The following BPIFC variants were observed in gnomAD, a reference collection of about 807,000 sequenced individuals.
The protein encoded by BPIFC is BPI fold-containing family C protein.
A neutral mutation model predicts 57.6 loss-of-function variants in BPIFC; 60 were observed. The observed-to-expected ratio is 1.04, with a 90% CI of 0.85 to 1.29. The LOEUF is 1.29. BPIFC is among the 50% of genes most tolerant of loss of function. The pLI, the probability that BPIFC is intolerant of heterozygous loss-of-function variation, is 0.00. For synonymous variants in BPIFC, 243 were observed against 224.5 expected, an observed-to-expected ratio of 1.08 and a Z score of -0.74; for missense variants, 581 against 600.5, an observed-to-expected ratio of 0.97 and a Z score of 0.34.
chr22:32,449,977 A>G (rs1353437589), intron 4 of BPIFC, among the ~76,000 whole-genome samples: 1 of 151,178 alleles, frequency 6.6e-6, no homozygotes, highest in Non-Finnish European at 1.5e-5. Context: ...CTTCTGATCC[A>G]CCCACCTTGG....
rs765114019 is a variant in BPIFC, at chr22:32,445,912, A to T, written c.459T>A (p.His153Gln). The change falls in exon 6 of 17, where the codon CAT becomes CAA. Residue 153 changes from histidine to glutamine, a missense_variant. Physicochemically the swap from His to Gln is conservative, Grantham distance 24. Transcript: ENST00000300399. ...IIILTRNDFG[H>Q]PTLKLQDCYA... The stretch of plus-strand genomic sequence containing the variant: ...AGCAATCTTGGAGCTTCAGGGTAGG[A>T]TGACCAAAGTCATTTCGGGTTAGGA... 1 of 1,614,058 alleles carries T rather than the reference A, an allele frequency of 6.2e-7. No homozygotes were observed.
intron 8 of BPIFC, among the ~76,000 whole-genome samples, chr22:32,440,760 T>C (rs1934543143): frequency 6.6e-6 from 1 of 152,200 alleles, no homozygotes; most frequent in Non-Finnish European, 1.5e-5. Flanking sequence ...AACCACTGTC[T>C]TGACCTTCAA....
At chr22:32,445,129 T>C (rs1601471804) in intron 7 of BPIFC, among the ~76,000 whole-genome samples, 1 of 152,190 alleles carries the variant, frequency 6.6e-6, no homozygotes, top group South Asian at 2.1e-4. Flanking sequence ...TGGCACATAG[T>C]AGGGATTTGA....
rs1338899552 is a variant in BPIFC at position 32,424,585 on chromosome 22, T to A, written c.1218-5181A>T. Among the ~76,000 whole-genome samples, 15 of 84,962 alleles carry A rather than the reference T, an allele frequency of 1.8e-4. 1 individual carries two copies. In the East Asian group the frequency reaches 4.9e-3, roughly 28 times the overall value. The allele number at this position is 84,962 out of a possible 152,430, so 55.7% of individuals were successfully genotyped here. On this transcript the variant is annotated intron_variant, in intron 13 of 16. Coordinates refer to ENST00000300399, the MANE Select transcript of BPIFC (RefSeq NM_174932.3). ...TAAGTGTTATTTTCTTTCTTCTTCT[T>A]CTTCTTCTTCTTCTTCTCCTCCTCC...
At chr22:32,431,615 TTGA>T (rs1333267550) in intron 12 of BPIFC, among the ~76,000 whole-genome samples, 1 of 152,114 alleles carries the variant, frequency 6.6e-6, no homozygotes. Context: ...GACTTTTTGT[TTGA>T]TGATCTCCTT....
chr22:32,427,802 C>T (rs1934109166), intron 13 of BPIFC, among the ~76,000 whole-genome samples: 1 of 152,196 alleles, frequency 6.6e-6, no homozygotes, highest in African/African-American at 2.4e-5. Context: ...TCCTGGCCAA[C>T]ATGGTGAAAC....
At chr22:32,452,054 T>C (rs1934908475) in intron 4 of BPIFC, among the ~76,000 whole-genome samples, 1 of 151,866 alleles carries the variant, frequency 6.6e-6, no homozygotes, top group Non-Finnish European at 1.5e-5. Context: ...GTGTGCACCA[T>C]CATGCCCAGC....
In BPIFC at chr22:32,447,272, G is replaced by A. The variant is rs142123523; in HGVS notation, c.314C>T (p.Ala105Val). ...GTTGGCAGTGCCATGGTTGGTTAGC[G>A]CTTTGATTCCCACTCCAGGCACAAA... Reference protein sequence around the residue: ...LAFVPGVGIKALTNHGTANIS... With the variant: ...LAFVPGVGIKVLTNHGTANIS... Residue 105 changes from alanine (A) to valine (V), a missense_variant, in exon 5 of 17, where the codon GCG (alanine) becomes GTG (valine). Ala to Val is a moderately conservative substitution (Grantham distance 64). Coordinates refer to ENST00000300399, the MANE Select transcript of BPIFC (RefSeq NM_174932.3). 224 of 1,614,060 alleles carry A rather than the reference G, an allele frequency of 1.4e-4. No individual in the cohort carries two copies. Among genetic ancestry groups the A allele is most frequent in the African/African-American group, 1.1e-3 (86 of 75,040 alleles).
intron 4 of BPIFC, among the ~76,000 whole-genome samples, chr22:32,450,595 T>C (rs1464053800): frequency 6.6e-6 from 1 of 152,084 alleles, no homozygotes; most frequent in Non-Finnish European, 1.5e-5. Context: ...ACTAATGAGA[T>C]ATTTTCTTTT....
chr22:32,460,727 T>G (rs188164128), intron 2 of BPIFC, among the ~76,000 whole-genome samples: 118 of 152,356 alleles, frequency 7.7e-4, no homozygotes, highest in African/African-American at 2.8e-3. Flanking sequence ...TTCCCTGAGT[T>G]AATTTCATTT....
chr22:32,448,936 CAA>C (rs569993202), intron 4 of BPIFC, among the ~76,000 whole-genome samples: 8 of 127,284 alleles, frequency 6.3e-5, no homozygotes, highest in South Asian at 2.5e-4. Flanking sequence ...GACTTCGTCT[CAA>C]AAAAAAAAAA....
At chr22:32,425,369 G>A (rs1043211093) in intron 13 of BPIFC, among the ~76,000 whole-genome samples, 7 of 152,132 alleles carry the variant, frequency 4.6e-5, no homozygotes, top group African/African-American at 1.7e-4. Flanking sequence ...TAGAGGTGTT[G>A]GGCTTGGCAC....
At chr22:32,437,736 G>A in intron 9 of BPIFC, 24 bp downstream of exon 9, 2 of 1,510,470 alleles carry the variant, frequency 1.3e-6, no homozygotes, top group Non-Finnish European at 1.8e-6. Context: ...GCCAGGCTGA[G>A]GATTCTGATG....
intron 2 of BPIFC, among the ~76,000 whole-genome samples, chr22:32,459,556 G>A (rs1022590947): frequency 6.6e-6 from 1 of 152,042 alleles, no homozygotes; most frequent in Non-Finnish European, 1.5e-5. Flanking sequence ...CCAGCTACTC[G>A]GGACGCTGAG....
In BPIFC at chr22:32,432,445, G is replaced by A; in HGVS notation, c.1077C>T (p.Asp359=). Residue 359 remains aspartate, a synonymous_variant, in exon 12 of 17, where the codon GAC becomes GAT. Coordinates refer to ENST00000300399, the MANE Select transcript of BPIFC (RefSeq NM_174932.3). The part of the protein sequence containing the change: ...INLQPGNFTL[D]IPASIMMLTQ... ...TGAGCATCATGATGGAGGCAGGGAT[G>A]TCCAGGGTGAAATTGCCTGGTTGTA... 2 of 1,614,114 alleles carry A rather than the reference G, an allele frequency of 1.2e-6. No homozygotes were observed. The highest frequency in any genetic ancestry group is 1.7e-6 in the Non-Finnish European group (2 of 1,180,026).
intron 12 of BPIFC, among the ~76,000 whole-genome samples, chr22:32,432,028 G>C (rs1934258264): frequency 6.6e-6 from 1 of 151,938 alleles, no homozygotes; most frequent in Admixed American, 6.6e-5. Flanking sequence ...CAAACTCCTG[G>C]GTTCAGAGCA....
In BPIFC at chr22:32,445,840, C is replaced by T. The variant is rs1347473169; in HGVS notation, c.530+1G>A. The T allele has an allele frequency of 6.2e-7, 1 of 1,613,824 alleles. No individual in the cohort carries two copies. Among genetic ancestry groups the T allele is most frequent in the Non-Finnish European group, 8.5e-7 (1 of 1,179,940 alleles). ...CTGCCCAACCCAGGGCTCTCATTCA[C>T]CTGAGTTCTCCGGAAAATGAGACGT... On this transcript the variant is annotated splice_donor_variant, in intron 6 of 16. Coordinates refer to ENST00000300399, the MANE Select transcript of BPIFC (RefSeq NM_174932.3). LOFTEE classifies it high-confidence loss of function.
intron 13 of BPIFC, among the ~76,000 whole-genome samples, chr22:32,427,578 C>G (rs1167913603): frequency 6.6e-6 from 1 of 152,090 alleles, no homozygotes; most frequent in Non-Finnish European, 1.5e-5. Flanking sequence ...ATCACGGTCC[C>G]GATGCTCAGG....
intron 7 of BPIFC, 140 bp from the exon 8 acceptor site, chr22:32,442,871 T>C: frequency 1.3e-6 from 1 of 786,384 alleles, no homozygotes; most frequent in South Asian, 1.7e-5. Context: ...TTCTCTTAAA[T>C]TTGTTGATGT....
Sources: allele counts gnomAD v4.1 joint callset (sites outside exome capture counted in the v4.1 genomes callset), GRCh38; gene constraint gnomAD v4.1.1; transcripts MANE v1.5; gene names NCBI Gene and HGNC (gene_info 2026-07-23, HGNC 2026-07-21).